Variants in RANBP2 observed in about 807,000 individuals in gnomAD.
The protein encoded by RANBP2 is E3 SUMO-protein ligase RanBP2.
In RANBP2, 57 loss-of-function variants were observed where a neutral mutation model predicts 303.6. The ratio of observed to expected loss-of-function variants is 0.19; its 90% CI spans 0.15 to 0.23. RANBP2 has a LOEUF of 0.23. Ranked by LOEUF, RANBP2 falls within the 10% of genes least tolerant of loss-of-function variation. RANBP2 has a pLI of 1.00. For missense variants in RANBP2, 3,138 were observed against 3,780.8 expected (o/e 0.83, Z 4.46); for synonymous variants, 1,167 against 1,301.5 (o/e 0.90, Z 2.23).
chr2:109,484,365 T>C, the RANBP2 span, among the ~76,000 whole-genome samples: 2 of 152,112 alleles, frequency 1.3e-5, no homozygotes, highest in Non-Finnish European at 2.9e-5. Context: ...CCCTGCCTGG[T>C]CATCCCACTG....
the RANBP2 span, among the ~76,000 whole-genome samples, chr2:109,413,594 A>G: frequency 1.3e-5 from 2 of 151,988 alleles, no homozygotes; most frequent in African/African-American, 2.4e-5. Context: ...AGCTTTGTCT[A>G]CAAGCCCAAA....
the RANBP2 span, among the ~76,000 whole-genome samples, chr2:108,841,001 G>T: frequency 1.3e-5 from 2 of 150,616 alleles, no homozygotes; most frequent in Non-Finnish European, 3.0e-5. Context: ...TTGTGTGTGT[G>T]TTTTTTGTTT....
At chr2:109,403,496 C>A in the RANBP2 span, among the ~76,000 whole-genome samples, 1 of 152,254 alleles carries the variant, frequency 6.6e-6, no homozygotes, top group Non-Finnish European at 1.5e-5. Context: ...CCTTCCAGGG[C>A]CCCACTCTTG....
At chr2:109,522,519 A>T in the RANBP2 span, among the ~76,000 whole-genome samples, 2 of 151,268 alleles carry the variant, frequency 1.3e-5, no homozygotes, top group Admixed American at 1.3e-4. Context: ...CTGGTCTAGA[A>T]CTCCTGACCT....
At chr2:109,390,540 G>C in the RANBP2 span, among the ~76,000 whole-genome samples, 1 of 152,198 alleles carries the variant, frequency 6.6e-6, no homozygotes, top group African/African-American at 2.4e-5. Flanking sequence ...AATATCAAGA[G>C]GTTAAACTCG....
chr2:109,490,805 G>C, the RANBP2 span: 1 of 1,537,024 alleles, frequency 6.5e-7, no homozygotes, highest in Non-Finnish European at 8.7e-7. Flanking sequence ...GCGAGATGCA[G>C]GGTGCCATGG....
chr2:109,629,690 C>T, the RANBP2 span, among the ~76,000 whole-genome samples: 3 of 151,162 alleles, frequency 2.0e-5, no homozygotes, highest in Non-Finnish European at 4.4e-5. Context: ...GCATACCTGT[C>T]GTCCCAGCTA....
the RANBP2 span, among the ~76,000 whole-genome samples, chr2:108,960,222 A>G: frequency 6.6e-6 from 1 of 152,074 alleles, no homozygotes; most frequent in Non-Finnish European, 1.5e-5. Context: ...CAGTTTCTCT[A>G]TTTGTCCACA....
At chr2:109,530,329 C>T in the RANBP2 span, among the ~76,000 whole-genome samples, 2 of 152,166 alleles carry the variant, frequency 1.3e-5, no homozygotes, top group Non-Finnish European at 2.9e-5. Context: ...CTGACAGCCA[C>T]GTGTCCACTG....
At chr2:108,795,165 T>TTTC in the RANBP2 span, among the ~76,000 whole-genome samples, 1 of 144,548 alleles carries the variant, frequency 6.9e-6, no homozygotes, top group East Asian at 2.0e-4. Context: ...TTTTTTTTTT[T>TTTC]TTTTTTTGCG....
downstream of RANBP2, chr2:108,786,909 C>T (rs1392272606): frequency 5.2e-6 from 8 of 1,534,910 alleles, no homozygotes; most frequent in East Asian, 1.1e-4. Flanking sequence ...GCAGCTGCCC[C>T]GACGAGGTGA....
At chr2:109,644,367 A>G in the RANBP2 span, among the ~76,000 whole-genome samples, 5 of 152,022 alleles carry the variant, frequency 3.3e-5, no homozygotes, top group African/African-American at 1.2e-4. Flanking sequence ...CTCTTTCACT[A>G]TTGCAATTTC....
At chr2:109,646,780 A>C in the RANBP2 span, among the ~76,000 whole-genome samples, 23 of 151,198 alleles carry the variant, frequency 1.5e-4, 1 homozygote, top group Admixed American at 1.5e-3. Flanking sequence ...TGCTGGGATT[A>C]CAAGTGTGAG....
chr2:109,546,071 C>T, the RANBP2 span: 1 of 1,597,222 alleles, frequency 6.3e-7, no homozygotes. Context: ...CTTGTCCTTC[C>T]TCAGGTTGCT....
the RANBP2 span, among the ~76,000 whole-genome samples, chr2:109,268,248 C>G: frequency 6.6e-6 from 1 of 151,942 alleles, no homozygotes; most frequent in Non-Finnish European, 1.5e-5. Flanking sequence ...AAACCCTGAG[C>G]CCTGCCTGCT....
At chr2:109,739,814 G>T in the RANBP2 span, among the ~76,000 whole-genome samples, 1 of 150,900 alleles carries the variant, frequency 6.6e-6, no homozygotes, top group Non-Finnish European at 1.5e-5. Flanking sequence ...AAGATAAAAG[G>T]CTTTTAGTTT....
At chr2:108,930,660 C>T in the RANBP2 span, among the ~76,000 whole-genome samples, 2 of 152,138 alleles carry the variant, frequency 1.3e-5, no homozygotes, top group African/African-American at 4.8e-5. Flanking sequence ...TTCTTAGCTG[C>T]GCGGCCCCCA....
the RANBP2 span, chr2:109,613,121 T>G: frequency 9.6e-6 from 12 of 1,246,736 alleles, no homozygotes; most frequent in Middle Eastern, 4.3e-4. Flanking sequence ...CCATGTAGCC[T>G]TTGGAAAACT....
At chr2:109,317,678 T>A in the RANBP2 span, among the ~76,000 whole-genome samples, 1 of 152,248 alleles carries the variant, frequency 6.6e-6, no homozygotes, top group Non-Finnish European at 1.5e-5. Flanking sequence ...ACATAAATAT[T>A]AGTTGCTGCA....
Sources: allele counts gnomAD v4.1 joint callset (sites outside exome capture counted in the v4.1 genomes callset), GRCh38; gene constraint gnomAD v4.1.1; transcripts MANE v1.5; gene names NCBI Gene and HGNC (gene_info 2026-07-23, HGNC 2026-07-21).